Variants in CAMK2A observed in about 807,000 individuals in gnomAD.
CAMK2A encodes calcium/calmodulin dependent protein kinase II alpha, also known as calcium/calmodulin-dependent protein kinase type II subunit alpha.
In CAMK2A, 7 loss-of-function variants were observed where a neutral mutation model predicts 79.2. That is an observed-to-expected ratio of 0.09 (90% CI 0.05 to 0.17). CAMK2A has a LOEUF of 0.17. CAMK2A is among the 10% of genes least tolerant of loss of function. The probability of loss-of-function intolerance (pLI) is 1.00; values close to 1 mark genes in which losing one functional copy is unlikely to be tolerated. For synonymous variants in CAMK2A, 242 were observed against 251.7 expected (o/e 0.96, Z 0.36); for missense variants, 214 against 646.4 (o/e 0.33, Z 7.25).
chr5:150,252,106 G>T, intron 7 of CAMK2A, 41 bp from the exon 8 acceptor site: 1 of 1,480,694 alleles, frequency 6.8e-7, no homozygotes, highest in Non-Finnish European at 9.4e-7. Context: ...ATACACAGAG[G>T]TTGTCTCGTA....
chr5:150,239,081 G>C (rs989430026), intron 14 of CAMK2A, among the ~76,000 whole-genome samples: 1 of 152,200 alleles, frequency 6.6e-6, no homozygotes, highest in Admixed American at 6.5e-5. Flanking sequence ...GCCGCAGAGT[G>C]GGGAGGAACA....
chr5:150,251,821 C>T lies in CAMK2A; in HGVS notation c.622G>A (p.Val208Ile). 1 of 1,606,694 alleles carries T rather than the reference C, an allele frequency of 6.2e-7. No individual in the cohort carries two copies. The highest frequency in any genetic ancestry group is 8.5e-7 in the Non-Finnish European group (1 of 1,176,468). ...ACGVILYILL[V>I]GYPPFWDEDQ... ...TCATCCCAGAACGGGGGGTACCCAA[C>T]CAGCAGGATGTACAGGATGACCCCT... is the stretch of plus-strand genomic sequence containing the variant. The change falls in exon 9 of 19, where the codon GTT becomes ATT. Residue 208 changes from valine to isoleucine, a missense_variant. By Grantham distance (29) the Val-to-Ile change is conservative. Transcript: ENST00000671881.
chr5:150,282,830 A>T (rs1054238645), intron 1 of CAMK2A, among the ~76,000 whole-genome samples: 5 of 152,282 alleles, frequency 3.3e-5, no homozygotes, highest in African/African-American at 7.2e-5. Context: ...AAGGCCATGG[A>T]TGAGAGTGGG....
intron 17 of CAMK2A, among the ~76,000 whole-genome samples, chr5:150,224,530 A>T (rs1316168241): frequency 1.3e-5 from 2 of 152,110 alleles, no homozygotes. Flanking sequence ...CCATCCCCTA[A>T]TATCAGAAGC....
In CAMK2A at chr5:150,222,540, A is replaced by G. The variant is rs115797668; in HGVS notation, c.*170T>C. ...TGTGGCCGTTCGCTCTGAAGTTGCG[A>G]TGACTTTTGTGAACAAGCAGGTTTT... On this transcript the variant is annotated 3_prime_UTR_variant, in exon 19 of 19. Coordinates refer to ENST00000671881, the MANE Select transcript of CAMK2A (RefSeq NM_015981.4). 1,079 of 766,292 alleles carry G rather than the reference A, an allele frequency of 1.4e-3. 7 individuals are homozygous for G. In the African/African-American group the frequency reaches 0.016, roughly 12 times the overall value. 47.5% of individuals were successfully genotyped at this position (766,292 alleles called of 1,614,324 possible).
At chr5:150,236,318 A>G (rs1033930262) in intron 15 of CAMK2A, among the ~76,000 whole-genome samples, 1 of 152,250 alleles carries the variant, frequency 6.6e-6, no homozygotes, top group Non-Finnish European at 1.5e-5. Context: ...ATCTTTGAGT[A>G]AAATTGGTGC....
chr5:150,251,664 G>C (rs1027377334), intron 9 of CAMK2A, 86 bp downstream of exon 9: 43 of 1,039,386 alleles, frequency 4.1e-5, no homozygotes, highest in African/African-American at 8.0e-5. Flanking sequence ...TCACCCCTGT[G>C]CCAGAACTAG....
At chr5:150,254,146 T>C (rs1755955783) in intron 6 of CAMK2A, among the ~76,000 whole-genome samples, 1 of 152,164 alleles carries the variant, frequency 6.6e-6, no homozygotes. Flanking sequence ...GAGGAGGCCA[T>C]CCAAGTTTAC....
chr5:150,279,011 C>G (rs1346869431), intron 1 of CAMK2A, among the ~76,000 whole-genome samples: 1 of 152,118 alleles, frequency 6.6e-6, no homozygotes, highest in African/African-American at 2.4e-5. Context: ...TGGGCAAGAA[C>G]CAGCCCCAGT....
intron 18 of CAMK2A, 26 bp downstream of exon 18, chr5:150,222,963 G>A: frequency 6.3e-7 from 1 of 1,596,238 alleles, no homozygotes; most frequent in Non-Finnish European, 8.6e-7. Context: ...ACATTACCCT[G>A]GGAGGCAGGA....
At chr5:150,287,037 G>C (rs944202683) in intron 1 of CAMK2A, among the ~76,000 whole-genome samples, 1 of 152,206 alleles carries the variant, frequency 6.6e-6, no homozygotes, top group African/African-American at 2.4e-5. Context: ...GGTGATGAGG[G>C]ACAGCGCCTG....
intron 2 of CAMK2A, among the ~76,000 whole-genome samples, chr5:150,269,453 T>G (rs1355914464): frequency 1.3e-5 from 2 of 151,766 alleles, no homozygotes; most frequent in African/African-American, 4.8e-5. Context: ...GGCTCGGTGA[T>G]TCTCCCTCCT....
chr5:150,279,880 G>A (rs1757138938), intron 1 of CAMK2A, among the ~76,000 whole-genome samples: 1 of 152,256 alleles, frequency 6.6e-6, no homozygotes, highest in Admixed American at 6.5e-5. Flanking sequence ...TAGCTGCCTG[G>A]CAGACAAGGT....
At chr5:150,272,070 C>T (rs919043854) in intron 2 of CAMK2A, among the ~76,000 whole-genome samples, 2 of 152,198 alleles carry the variant, frequency 1.3e-5, no homozygotes, top group African/African-American at 2.4e-5. Context: ...CCGAGAGTGG[C>T]GTGGCTGAAG....
At chr5:150,237,644 C>T (rs1041490086) in intron 15 of CAMK2A, among the ~76,000 whole-genome samples, 7 of 152,102 alleles carry the variant, frequency 4.6e-5, no homozygotes, top group Admixed American at 2.6e-4. Context: ...AGCCACGGGA[C>T]GACAGAGTAC....
At chr5:150,254,394 G>T (rs1275726242) in intron 6 of CAMK2A, among the ~76,000 whole-genome samples, 1 of 152,202 alleles carries the variant, frequency 6.6e-6, no homozygotes, top group South Asian at 2.1e-4. Flanking sequence ...ATAAAGATGA[G>T]AAAACTGAAG....
At chr5:150,261,144 C>T (rs1756288981) in intron 3 of CAMK2A, among the ~76,000 whole-genome samples, 3 of 112,968 alleles carry the variant, frequency 2.7e-5, no homozygotes, top group Admixed American at 1.6e-4. Flanking sequence ...AGCTGACTCT[C>T]CCTCAGATGG....
chr5:150,227,061 C>T (rs759281060), intron 17 of CAMK2A, among the ~76,000 whole-genome samples: 4 of 151,990 alleles, frequency 2.6e-5, no homozygotes, highest in Non-Finnish European at 4.4e-5. Flanking sequence ...CGTGAGCCAC[C>T]GCGCCCGGCT....
intron 13 of CAMK2A, among the ~76,000 whole-genome samples, chr5:150,240,046 T>C (rs962993161): frequency 5.3e-5 from 8 of 152,190 alleles, no homozygotes; most frequent in Non-Finnish European, 1.2e-4. Flanking sequence ...CTAACTCTGA[T>C]GGCAAAAGCC....
Sources: allele counts gnomAD v4.1 joint callset (sites outside exome capture counted in the v4.1 genomes callset), GRCh38; gene constraint gnomAD v4.1.1; transcripts MANE v1.5; gene names NCBI Gene and HGNC (gene_info 2026-07-23, HGNC 2026-07-21).